The following EPC2 variants were observed in gnomAD, a reference collection of about 807,000 sequenced individuals.
EPC2 encodes enhancer of polycomb 2, also known as enhancer of polycomb homolog 2.
In EPC2, 14 loss-of-function variants were observed where a neutral mutation model predicts 92.1. The ratio of observed to expected loss-of-function variants is 0.15; its 90% CI spans 0.10 to 0.24. The LOEUF (loss-of-function observed/expected upper bound fraction) is 0.24, where lower values mean the gene tolerates loss of function less well. Among genes scored for constraint, EPC2 ranks in the 10% least tolerant of loss-of-function variants. The pLI is 1.00. For synonymous variants in EPC2, 340 were observed against 334.7 expected (o/e 1.02, Z -0.17); for missense variants, 755 against 971.5 (o/e 0.78, Z 2.96).
At chr2:148,647,751 G>A (rs578242315) in intron 1 of EPC2, among the ~76,000 whole-genome samples, 1 of 149,196 alleles carries the variant, frequency 6.7e-6, no homozygotes. Context: ...TCCTGCCTCA[G>A]CCTCTCAAGT....
intron 1 of EPC2, among the ~76,000 whole-genome samples, chr2:148,657,254 A>G (rs1401345760): frequency 6.6e-6 from 1 of 152,158 alleles, no homozygotes; most frequent in Non-Finnish European, 1.5e-5. Flanking sequence ...GCTTAAAGTG[A>G]TGGGTCACTT....
rs114204940 is a variant in EPC2, at chr2:148,691,508, T to C, written c.313+1135T>C. On this transcript the variant is annotated intron_variant, in intron 2 of 13. Coordinates refer to ENST00000258484, the MANE Select transcript of EPC2 (RefSeq NM_015630.4). ...TGACTATAAGATTGACTGCTTTTCATTGATTCTGAGATGCACTGTTTTCAT... is the reference window on the plus strand; with the variant it reads ...TGACTATAAGATTGACTGCTTTTCACTGATTCTGAGATGCACTGTTTTCAT... 2.8e-3 allele frequency: 4,401 copies of C among 1,549,614 alleles called. 107 individuals carry two copies. The African/African-American group carries it at 0.051, about 18-fold the overall frequency.
At position 148,762,254 on chromosome 2, in the gene EPC2, G is replaced by GA. The variant is rs1683314338; in HGVS notation, c.815+325dup. 12 of 187,678 alleles carry GA rather than the reference G, an allele frequency of 6.4e-5. No homozygotes were observed. The South Asian group carries it at 1.7e-3, about 26-fold the overall frequency. The allele number at this position is 187,678 out of a possible 1,614,324, so 11.6% of individuals were successfully genotyped here. A position where few individuals can be genotyped will look rare whatever the true frequency, so the allele number is the denominator to read the frequency against. ...CTGTATTAAATTTTCTATTAAATCT[G>GA]AGGGAAATAAGTATTGATTTTATTT... On this transcript the variant is annotated intron_variant, in intron 5 of 13. Transcript: ENST00000258484.
At chr2:148,770,751 C>T in intron 8 of EPC2, 41 bp from the exon 9 acceptor site, 2 of 1,570,980 alleles carry the variant, frequency 1.3e-6, no homozygotes, top group South Asian at 1.2e-5. Flanking sequence ...TTCAGATTTA[C>T]TCCATGAGTT....
At chr2:148,742,616 A>T (rs778216121) in intron 2 of EPC2, among the ~76,000 whole-genome samples, 1 of 151,716 alleles carries the variant, frequency 6.6e-6, no homozygotes, top group Non-Finnish European at 1.5e-5. Flanking sequence ...CCCCATCCCT[A>T]CAAAAAATGC....
At chr2:148,656,037 G>A (rs1284746236) in intron 1 of EPC2, among the ~76,000 whole-genome samples, 1 of 119,816 alleles carries the variant, frequency 8.3e-6, no homozygotes, top group Non-Finnish European at 1.8e-5. Flanking sequence ...GGGGGGGGGG[G>A]GTTATTCTAG....
chr2:148,706,324 C>A (rs1681998594), intron 2 of EPC2, among the ~76,000 whole-genome samples: 1 of 152,070 alleles, frequency 6.6e-6, no homozygotes, highest in African/African-American at 2.4e-5. Flanking sequence ...ATGAATAAAG[C>A]CTCCAAGAAA....
intron 1 of EPC2, chr2:148,645,378 T>C (rs1683774537): frequency 3.9e-6 from 2 of 512,154 alleles, no homozygotes; most frequent in African/African-American, 4.0e-5. Flanking sequence ...GTCCCAGTGT[T>C]GTGATTAGCT....
chr2:148,745,991 G>C (rs1176588564), intron 3 of EPC2, among the ~76,000 whole-genome samples: 1 of 151,876 alleles, frequency 6.6e-6, no homozygotes, highest in Non-Finnish European at 1.5e-5. Context: ...CTCATGTCTT[G>C]GAGCTGTCTT....
intron 1 of EPC2, among the ~76,000 whole-genome samples, chr2:148,678,633 C>A (rs568669341): frequency 5.9e-5 from 9 of 152,344 alleles, no homozygotes; most frequent in African/African-American, 2.2e-4. Flanking sequence ...CCTCCGCAGC[C>A]GCTGGCCCGG....
At position 148,663,875 on chromosome 2, in the gene EPC2, A is replaced by G. The variant is rs151106255; in HGVS notation, c.153+18705A>G. The stretch of plus-strand genomic sequence containing the variant: ...TCACAATAGGGTTCACACTCCTATG[A>G]CAATCTAATGCTGCCACTGATCTAA... On this transcript the variant is annotated intron_variant, in intron 1 of 13. Transcript: ENST00000258484. 5.7e-3 allele frequency among the ~76,000 whole-genome samples: 873 copies of G among 152,272 alleles called. 10 individuals carry two copies. The highest frequency in any genetic ancestry group is 7.9e-3 in the Non-Finnish European group (536 of 68,028).
At chr2:148,654,008 C>T (rs189195549) in intron 1 of EPC2, among the ~76,000 whole-genome samples, 15 of 146,810 alleles carry the variant, frequency 1.0e-4, no homozygotes, top group Admixed American at 2.8e-4. Context: ...AGTGCAATGG[C>T]GCGATCTTGG....
intron 2 of EPC2, chr2:148,691,802 C>T (rs776808241): frequency 2.9e-6 from 2 of 701,412 alleles, no homozygotes; most frequent in Admixed American, 2.0e-5. Context: ...ATACAAAATT[C>T]TTTGCTTTCC....
intron 3 of EPC2, among the ~76,000 whole-genome samples, chr2:148,751,880 TAAC>T (rs72454689): frequency 0.012 from 1,876 of 152,256 alleles, 38 homozygotes; most frequent in African/African-American, 0.043. Context: ...AGTTGCTTTA[TAAC>T]AACATACAGC....
intron 2 of EPC2, among the ~76,000 whole-genome samples, chr2:148,694,530 T>G (rs896750365): frequency 1.3e-5 from 2 of 152,244 alleles, no homozygotes; most frequent in Non-Finnish European, 2.9e-5. Context: ...TTCATTAAGT[T>G]ACATTTACTT....
At chr2:148,720,811 G>C (rs1337368756) in intron 2 of EPC2, among the ~76,000 whole-genome samples, 1 of 152,152 alleles carries the variant, frequency 6.6e-6, no homozygotes, top group African/African-American at 2.4e-5. Flanking sequence ...GGGTCGAGCT[G>C]TTTCCCTGAT....
chr2:148,765,283 T>G (rs747435314), intron 7 of EPC2, 137 bp downstream of exon 7: 8 of 498,400 alleles, frequency 1.6e-5, no homozygotes, highest in African/African-American at 2.0e-5. Context: ...TTCCACAGTA[T>G]TTATGTAGCC....
At chr2:148,770,155 C>T (rs1356500666) in intron 8 of EPC2, among the ~76,000 whole-genome samples, 4 of 152,102 alleles carry the variant, frequency 2.6e-5, no homozygotes, top group East Asian at 1.9e-4. Context: ...TCCAGTAGTC[C>T]GCCCACCTCA....
At chr2:148,707,144 T>C (rs1390294710) in intron 2 of EPC2, among the ~76,000 whole-genome samples, 1 of 152,050 alleles carries the variant, frequency 6.6e-6, no homozygotes, top group African/African-American at 2.4e-5. Context: ...AATAAAGGGA[T>C]GGAGGAAGAT....
Sources: allele counts gnomAD v4.1 joint callset (sites outside exome capture counted in the v4.1 genomes callset), GRCh38; gene constraint gnomAD v4.1.1; transcripts MANE v1.5; gene names NCBI Gene and HGNC (gene_info 2026-07-23, HGNC 2026-07-21).